The following MYO9A variants were observed in gnomAD, a reference collection of about 807,000 sequenced individuals.
The protein encoded by MYO9A is myosin IXA.
In MYO9A, 103 loss-of-function variants were observed where a neutral mutation model predicts 293.3. The observed-to-expected ratio is 0.35, with a 90% CI of 0.30 to 0.41. MYO9A has a LOEUF of 0.41. Ranked by LOEUF, MYO9A falls within the 10% of genes least tolerant of loss-of-function variation. The probability of loss-of-function intolerance (pLI) is 1.00; values close to 1 mark genes in which losing one functional copy is unlikely to be tolerated. For synonymous variants in MYO9A, 1,001 were observed against 1,035.7 expected, an observed-to-expected ratio of 0.97 and a Z score of 0.64; for missense variants, 2,685 against 3,033.0, an observed-to-expected ratio of 0.89 and a Z score of 2.69.
intron 2 of MYO9A, among the ~76,000 whole-genome samples, chr15:72,034,730 C>A (rs774806217): frequency 1.4e-4 from 22 of 152,304 alleles, no homozygotes; most frequent in Middle Eastern, 3.4e-3. Flanking sequence ...GTGTCAAATG[C>A]ATTACATTTT....
chr15:71,866,793 T>C (rs1297226698), intron 32 of MYO9A, among the ~76,000 whole-genome samples: 1 of 152,164 alleles, frequency 6.6e-6, no homozygotes, highest in East Asian at 1.9e-4. Flanking sequence ...GCGCAGTGGC[T>C]CACGCCTGTA....
chr15:72,107,267 G>C (rs553010173), intron 1 of MYO9A, among the ~76,000 whole-genome samples: 1 of 152,072 alleles, frequency 6.6e-6, no homozygotes, highest in Non-Finnish European at 1.5e-5. Context: ...ATACAATCTC[G>C]GCAGAGTGTA....
At chr15:71,863,062 A>T (rs1315930074) in intron 32 of MYO9A, among the ~76,000 whole-genome samples, 2 of 150,984 alleles carry the variant, frequency 1.3e-5, no homozygotes, top group African/African-American at 4.9e-5. Context: ...AATAGCTGGG[A>T]TTACAGGCGC....
chr15:72,007,071 C>T (rs769952431), intron 8 of MYO9A, among the ~76,000 whole-genome samples: 3 of 152,136 alleles, frequency 2.0e-5, no homozygotes, highest in Non-Finnish European at 4.4e-5. Flanking sequence ...CAGTTGGAGA[C>T]ATTATCATGA....
intron 39 of MYO9A, 57 bp downstream of exon 39, chr15:71,848,788 C>T (rs2055502769): frequency 6.5e-7 from 1 of 1,550,058 alleles, no homozygotes; most frequent in Non-Finnish European, 8.7e-7. Flanking sequence ...CACAAAAGCA[C>T]ATTTAAATTC....
At chr15:71,832,981 TAGTAAA>T (rs2054789892) in intron 39 of MYO9A, among the ~76,000 whole-genome samples, 1 of 150,758 alleles carries the variant, frequency 6.6e-6, no homozygotes, top group Middle Eastern at 3.5e-3. Context: ...ACTAAAATAA[TAGTAAA>T]AGAGTAAAAC....
At chr15:71,941,780 C>T (rs766886595) in intron 15 of MYO9A, among the ~76,000 whole-genome samples, 13 of 151,926 alleles carry the variant, frequency 8.6e-5, no homozygotes, top group Non-Finnish European at 1.8e-4. Flanking sequence ...AAAAGGTACA[C>T]GACATATGAA....
intron 7 of MYO9A, 143 bp downstream of exon 7, chr15:72,010,207 T>A (rs959802868): frequency 2.5e-5 from 14 of 568,448 alleles, no homozygotes; most frequent in East Asian, 8.5e-5. Context: ...AAAAAGGAAT[T>A]AGAAATAATG....
chr15:72,016,241 G>A (rs952889204), intron 6 of MYO9A, among the ~76,000 whole-genome samples: 1 of 151,852 alleles, frequency 6.6e-6, no homozygotes, highest in Non-Finnish European at 1.5e-5. Context: ...ATTTACGGAA[G>A]AGAAAATAGA....
intron 2 of MYO9A, among the ~76,000 whole-genome samples, chr15:72,042,688 C>A (rs2078261861): frequency 6.6e-6 from 1 of 151,484 alleles, no homozygotes; most frequent in Non-Finnish European, 1.5e-5. Context: ...AAAAGACATC[C>A]AAACTGGAAA....
chr15:72,088,177 T>G (rs2079802286), intron 1 of MYO9A, among the ~76,000 whole-genome samples: 1 of 152,224 alleles, frequency 6.6e-6, no homozygotes, highest in African/African-American at 2.4e-5. Context: ...TTTTGTTTTT[T>G]AAGCCACTCA....
chr15:72,005,399 A>C (rs1022366350), intron 8 of MYO9A, among the ~76,000 whole-genome samples: 3 of 152,154 alleles, frequency 2.0e-5, no homozygotes, highest in Non-Finnish European at 4.4e-5. Context: ...TAGAAACAGA[A>C]GCCCTGGTTT....
chr15:72,001,502 C>T (rs1425608506), intron 8 of MYO9A, among the ~76,000 whole-genome samples: 2 of 137,744 alleles, frequency 1.5e-5, no homozygotes, highest in African/African-American at 2.8e-5. Flanking sequence ...TGCAGTGAGC[C>T]GAGACCACAC....
chr15:71,881,327 G>A (rs886907123), intron 28 of MYO9A, among the ~76,000 whole-genome samples: 2 of 151,918 alleles, frequency 1.3e-5, no homozygotes, highest in Non-Finnish European at 2.9e-5. Context: ...TCACATGCTT[G>A]TCTTCCCAAT....
chr15:71,956,231 G>A (rs549275262), intron 14 of MYO9A, among the ~76,000 whole-genome samples: 3 of 144,172 alleles, frequency 2.1e-5, no homozygotes, highest in Admixed American at 2.1e-4. Flanking sequence ...GATAACATGA[G>A]CCCAGGAGTT....
At chr15:72,078,658 A>T (rs1567016759) in intron 1 of MYO9A, among the ~76,000 whole-genome samples, 1 of 152,192 alleles carries the variant, frequency 6.6e-6, no homozygotes, top group African/African-American at 2.4e-5. Context: ...TAAAAATAAA[A>T]AAATAACTTT....
At chr15:71,974,616 A>C (rs776333152) in intron 12 of MYO9A, among the ~76,000 whole-genome samples, 15 of 152,230 alleles carry the variant, frequency 9.9e-5, no homozygotes, top group Non-Finnish European at 2.2e-4. Context: ...ATTTCTAAGC[A>C]AGAAACTGTA....
At chr15:71,852,491 G>C in intron 35 of MYO9A, 1 of 292,804 alleles carries the variant, frequency 3.4e-6, no homozygotes, top group South Asian at 5.5e-5. Flanking sequence ...AGCCTCCGGA[G>C]TAGCTGGGAT....
At position 71,824,970 on chromosome 15, in the gene MYO9A, A is replaced by C. The variant is rs1288055243; in HGVS notation, c.*1610T>G. On this transcript the variant is annotated 3_prime_UTR_variant, in exon 42 of 42. Transcript: ENST00000356056. ...CTTAATATTTCCACAACTTCAAAGA[A>C]GTATGAAAAGGAAGAATACCCAAAA... 6.6e-6 allele frequency: 1 copy of C among 152,242 alleles called. No homozygotes were observed. Among genetic ancestry groups the C allele is most frequent in the Admixed American group, 6.5e-5 (1 of 15,286 alleles). 9.4% of individuals were successfully genotyped at this position (152,242 alleles called of 1,614,324 possible). A position where few individuals can be genotyped will look rare whatever the true frequency, so the allele number is the denominator to read the frequency against.
Sources: gnomAD v4.1 joint callset for allele counts (sites outside exome capture counted in the v4.1 genomes callset) on GRCh38, gnomAD v4.1.1 for gene constraint, MANE v1.5 for transcripts, NCBI Gene and HGNC (gene_info 2026-07-23, HGNC 2026-07-21) for gene names.